CNBD1: variants seen among roughly 807,000 people sequenced by gnomAD.
CNBD1 encodes the protein cyclic nucleotide-binding domain-containing protein 1.
Under a neutral mutation model 54.4 loss-of-function variants are expected in CNBD1, and 71 were observed. That is an observed-to-expected ratio of 1.30 (90% CI 1.08 to 1.59). The LOEUF is 1.59. Ranked by LOEUF, CNBD1 falls within the 40% of genes most tolerant of loss-of-function variation. The pLI is 0.00. For synonymous variants in CNBD1, 182 were observed against 170.7 expected (o/e 1.07, Z -0.51); for missense variants, 659 against 518.0 (o/e 1.27, Z -2.64).
intron 4 of CNBD1, among the ~76,000 whole-genome samples, chr8:87,045,913 C>T (rs931095172): frequency 6.6e-6 from 1 of 151,146 alleles, no homozygotes; most frequent in East Asian, 2.0e-4. Context: ...TGGTGGCGCA[C>T]GCCTGTAGTC....
intron 4 of CNBD1, among the ~76,000 whole-genome samples, chr8:87,157,902 A>G (rs960509539): frequency 6.6e-6 from 1 of 152,164 alleles, no homozygotes; most frequent in Non-Finnish European, 1.5e-5. Context: ...AGAGTTTACC[A>G]AAGAGAACCC....
intron 6 of CNBD1, among the ~76,000 whole-genome samples, chr8:87,268,345 G>T (rs535184814): frequency 6.6e-6 from 1 of 152,054 alleles, no homozygotes; most frequent in Admixed American, 6.6e-5. Context: ...TCTTTATCCA[G>T]TCCACCATGA....
At chr8:87,294,764 T>C (rs1484129308) in intron 8 of CNBD1, among the ~76,000 whole-genome samples, 1 of 152,214 alleles carries the variant, frequency 6.6e-6, no homozygotes, top group Non-Finnish European at 1.5e-5. Context: ...TCCCAAGGCT[T>C]CTTATGGGCC....
downstream of CNBD1, among the ~76,000 whole-genome samples, chr8:87,385,319 G>A (rs1476464153): frequency 6.6e-6 from 1 of 152,082 alleles, no homozygotes; most frequent in Non-Finnish European, 1.5e-5. Context: ...AACAGGGCAA[G>A]GCATCGCCTC....
intron 2 of CNBD1, among the ~76,000 whole-genome samples, chr8:86,888,917 C>T (rs11996327): frequency 0.013 from 1,955 of 152,134 alleles, 33 homozygotes; most frequent in Middle Eastern, 0.041. Context: ...AGAGCTAGTT[C>T]TCTCAAAGTA....
intron 10 of CNBD1, among the ~76,000 whole-genome samples, chr8:87,367,754 T>C (rs1307824123): frequency 1.3e-5 from 2 of 152,150 alleles, no homozygotes; most frequent in Non-Finnish European, 2.9e-5. Flanking sequence ...GATTAAGTGA[T>C]ATCAATGCTC....
chr8:86,866,581 C>G lies in CNBD1; in HGVS notation c.86C>G (p.Pro29Arg). 3.8e-6 allele frequency: 6 copies of G among 1,599,450 alleles called. No individual in the cohort carries two copies. Among genetic ancestry groups the G allele is most frequent in the Non-Finnish European group, 5.1e-6 (6 of 1,169,718 alleles). ...CCTCCTCCTCCACTTCACAGTATAC[C>G]AAGTGAGTGGGAAATACTTTGATGC... is the stretch of plus-strand genomic sequence containing the variant. ...NVPPPPLHSI[P>R]NLKKSKHINY... Residue 29 changes from proline (P) to arginine (R), a missense_variant and splice_region_variant, in exon 1 of 11, where the codon CCA becomes CGA. By Grantham distance (103) the Pro-to-Arg change is moderately radical. Coordinates refer to ENST00000518476, the MANE Select transcript of CNBD1 (RefSeq NM_173538.3).
chr8:87,169,883 A>G (rs1234860571), intron 4 of CNBD1, among the ~76,000 whole-genome samples: 1 of 152,104 alleles, frequency 6.6e-6, no homozygotes, highest in East Asian at 1.9e-4. Flanking sequence ...AGCTTTGGCT[A>G]TTGTAGGTCT....
intron 4 of CNBD1, among the ~76,000 whole-genome samples, chr8:86,996,116 C>A (rs1808864871): frequency 6.6e-6 from 1 of 152,096 alleles, no homozygotes; most frequent in Non-Finnish European, 1.5e-5. Context: ...GGATCAGCTT[C>A]TCCTGTTTAT....
rs554893215 is a variant in CNBD1 at position 87,428,464 on chromosome 8, TAAA to T, written c.214-79_214-77del. ...TTTGTCTACTATTTTGAAATATTGA[TAAA>T]AATAGGATTAGCAATTGCTCTTTTT... is the stretch of plus-strand genomic sequence containing the variant. On this transcript the variant is annotated intron_variant, in intron 2 of 7. Transcript: ENST00000521593. 286 of 329,708 alleles carry T rather than the reference TAAA, an allele frequency of 8.7e-4. 1 individual carries two copies. The highest frequency in any genetic ancestry group is 6.2e-3 in the African/African-American group (261 of 41,834). 20.4% of individuals were successfully genotyped at this position (329,708 alleles called of 1,614,324 possible). A position where few individuals can be genotyped will look rare whatever the true frequency, so the allele number is the denominator to read the frequency against.
intron 4 of CNBD1, among the ~76,000 whole-genome samples, chr8:87,128,223 A>G (rs1337244902): frequency 6.6e-6 from 1 of 152,220 alleles, no homozygotes; most frequent in Non-Finnish European, 1.5e-5. Context: ...CTGGGTACCA[A>G]GAAGGCACTG....
chr8:87,188,475 A>G (rs931633761), intron 4 of CNBD1, among the ~76,000 whole-genome samples: 6 of 152,190 alleles, frequency 3.9e-5, no homozygotes, highest in Non-Finnish European at 8.8e-5. Flanking sequence ...CACACCAGCA[A>G]TCCCAGCACT....
Position 87,125,737 on chromosome 8 carries a change from G to C in CNBD1, c.432-80256G>C, listed in dbSNP as rs933968289. Among the ~76,000 whole-genome samples the C allele has an allele frequency of 2.6e-5, 4 of 151,826 alleles. No homozygotes were observed. The East Asian group carries it at 7.7e-4, about 29-fold the overall frequency. On this transcript the variant is annotated intron_variant, in intron 4 of 10. Transcript: ENST00000518476. ...AAGTATATAGTTTAATAAGTGTTGA[G>C]ATATATGATAAATGAACACTACAAT...
At chr8:87,363,161 T>A (rs1352693440) in intron 10 of CNBD1, among the ~76,000 whole-genome samples, 3 of 152,154 alleles carry the variant, frequency 2.0e-5, no homozygotes, top group Admixed American at 1.3e-4. Context: ...GAGTTATCCA[T>A]GTCCCTGCAA....
At chr8:87,336,809 A>T (rs539592394) in intron 8 of CNBD1, among the ~76,000 whole-genome samples, 6 of 152,128 alleles carry the variant, frequency 3.9e-5, no homozygotes, top group African/African-American at 1.4e-4. Flanking sequence ...TTTTTCATTG[A>T]TTCTTTCTCA....
chr8:87,160,992 G>T (rs1812846054), intron 4 of CNBD1, among the ~76,000 whole-genome samples: 1 of 152,028 alleles, frequency 6.6e-6, no homozygotes, highest in African/African-American at 2.4e-5. Context: ...AAATGAAGTG[G>T]CATCATCAAT....
chr8:86,868,798 G>C (rs1808400022), intron 1 of CNBD1, among the ~76,000 whole-genome samples: 1 of 152,120 alleles, frequency 6.6e-6, no homozygotes, highest in Non-Finnish European at 1.5e-5. Flanking sequence ...CAAAACTTAT[G>C]AATAGGTTAT....
chr8:87,402,609 C>G (rs994315056), intron 2 of CNBD1, among the ~76,000 whole-genome samples: 4 of 151,946 alleles, frequency 2.6e-5, no homozygotes, highest in Admixed American at 2.6e-4. Context: ...TCATTGTTTC[C>G]TCTTATAGTC....
At chr8:87,378,914 C>T (rs1375776891) in intron 10 of CNBD1, among the ~76,000 whole-genome samples, 2 of 149,170 alleles carry the variant, frequency 1.3e-5, no homozygotes, top group African/African-American at 2.5e-5. Flanking sequence ...CTCTTTGAAG[C>T]AATTGTGAAT....
Sources: gnomAD v4.1 joint callset for allele counts (sites outside exome capture counted in the v4.1 genomes callset) on GRCh38, gnomAD v4.1.1 for gene constraint, MANE v1.5 for transcripts, NCBI Gene and HGNC (gene_info 2026-07-23, HGNC 2026-07-21) for gene names.